The following PINX1 variants were observed in gnomAD, a reference collection of about 807,000 sequenced individuals.
The protein encoded by PINX1 is PIN2/TERF1-interacting telomerase inhibitor 1.
Under a neutral mutation model 25.4 loss-of-function variants are expected in PINX1, and 34 were observed. That is an observed-to-expected ratio of 1.34 (90% confidence interval 1.02 to 1.78). PINX1 has a LOEUF of 1.78. Ranked by LOEUF, PINX1 falls within the 40% of genes most tolerant of loss-of-function variation. PINX1 has a pLI of 0.00. For missense variants in PINX1, 592 were observed against 404.9 expected, an observed-to-expected ratio of 1.46 and a Z score of -3.97; for synonymous variants, 197 against 147.7, an observed-to-expected ratio of 1.33 and a Z score of -2.42.
intron 4 of PINX1, among the ~76,000 whole-genome samples, chr8:10,831,239 C>A (rs1197885083): frequency 6.6e-6 from 1 of 152,088 alleles, no homozygotes; most frequent in African/African-American, 2.4e-5. Context: ...AAGAGTTGAG[C>A]TCATAAAAGT....
At chr8:10,839,653 G>T in intron 1 of PINX1, 85 bp downstream of exon 1, 1 of 1,406,548 alleles carries the variant, frequency 7.1e-7, no homozygotes, top group Non-Finnish European at 9.8e-7. Context: ...GGCAACCCGA[G>T]CTCCCAGCCA....
At chr8:10,813,382 TAAAG>T (rs576716936) in intron 6 of PINX1, among the ~76,000 whole-genome samples, 102 of 152,052 alleles carry the variant, frequency 6.7e-4, no homozygotes, top group African/African-American at 2.5e-3. Context: ...ATGAAGGCAA[TAAAG>T]AGACTCTTCT....
At chr8:10,829,622 T>C (rs1026621393) in intron 4 of PINX1, among the ~76,000 whole-genome samples, 2 of 152,308 alleles carry the variant, frequency 1.3e-5, no homozygotes, top group African/African-American at 4.8e-5. Context: ...ACTCTGGTGT[T>C]TGTCTCTAAA....
chr8:10,798,035 G>T (rs913064659), intron 6 of PINX1, among the ~76,000 whole-genome samples: 1 of 152,246 alleles, frequency 6.6e-6, no homozygotes, highest in Non-Finnish European at 1.5e-5. Context: ...TGACTTTTCA[G>T]GAGTAACAGC....
intron 6 of PINX1, among the ~76,000 whole-genome samples, chr8:10,776,878 C>T (rs1801414082): frequency 6.6e-6 from 1 of 152,192 alleles, no homozygotes; most frequent in South Asian, 2.1e-4. Context: ...GGTCCCCCTT[C>T]TTCCTGTTTT....
chr8:10,820,442 A>C (rs1586193836), intron 5 of PINX1, 173 bp from the exon 6 acceptor site: 2 of 651,902 alleles, frequency 3.1e-6, no homozygotes, highest in Non-Finnish European at 5.5e-6. Flanking sequence ...TTAGTAAACA[A>C]AATTAATTAA....
chr8:10,802,656 C>G (rs552250431), intron 6 of PINX1, among the ~76,000 whole-genome samples: 1 of 152,134 alleles, frequency 6.6e-6, no homozygotes, highest in African/African-American at 2.4e-5. Flanking sequence ...GGCAGGGGCC[C>G]GGTGGAACCA....
At chr8:10,824,743 G>A (rs528146738) in intron 5 of PINX1, among the ~76,000 whole-genome samples, 4 of 152,334 alleles carry the variant, frequency 2.6e-5, no homozygotes, top group Non-Finnish European at 5.9e-5. Context: ...AAGTGAAAGC[G>A]TAAAAGGCTG....
chr8:10,771,900 T>C (rs1422464576), intron 6 of PINX1, among the ~76,000 whole-genome samples: 1 of 152,250 alleles, frequency 6.6e-6, no homozygotes, highest in East Asian at 1.9e-4. Flanking sequence ...TGTCGTCTGC[T>C]GTCAGCCAGT....
At chr8:10,809,162 CT>C (rs1157791944) in intron 6 of PINX1, among the ~76,000 whole-genome samples, 1 of 152,182 alleles carries the variant, frequency 6.6e-6, no homozygotes, top group African/African-American at 2.4e-5. Flanking sequence ...TATTTTAGCC[CT>C]GTGGAGTGAC....
chr8:10,778,438 C>A (rs1467402820), intron 6 of PINX1, among the ~76,000 whole-genome samples: 2 of 152,084 alleles, frequency 1.3e-5, no homozygotes, highest in Non-Finnish European at 2.9e-5. Flanking sequence ...CTGAATGTAT[C>A]CCCGTGGCAT....
intron 6 of PINX1, among the ~76,000 whole-genome samples, chr8:10,766,865 T>C (rs1190076448): frequency 6.6e-6 from 1 of 152,152 alleles, no homozygotes; most frequent in East Asian, 1.9e-4. Context: ...AAGAATGAAA[T>C]GCTGGAATCG....
intron 6 of PINX1, among the ~76,000 whole-genome samples, chr8:10,819,449 G>T (rs1018652068): frequency 7.2e-5 from 11 of 152,198 alleles, no homozygotes; most frequent in African/African-American, 2.7e-4. Flanking sequence ...ATATATTCCA[G>T]ATTTTCTCAG....
chr8:10,833,043 G>T, intron 2 of PINX1, 59 bp from the exon 3 acceptor site: 1 of 1,053,738 alleles, frequency 9.5e-7, no homozygotes, highest in Non-Finnish European at 1.4e-6. Context: ...CAGAAGCAGA[G>T]CACTGCTACA....
chr8:10,796,608 C>T (rs1802091824), intron 6 of PINX1, among the ~76,000 whole-genome samples: 1 of 152,100 alleles, frequency 6.6e-6, no homozygotes, highest in East Asian at 1.9e-4. Flanking sequence ...ATGGGAAGTC[C>T]TAGAAAACAA....
At chr8:10,817,240 A>G (rs1797726105) in intron 6 of PINX1, among the ~76,000 whole-genome samples, 1 of 152,166 alleles carries the variant, frequency 6.6e-6, no homozygotes, top group Non-Finnish European at 1.5e-5. Context: ...GACCTCCAGC[A>G]ACACCTTGGC....
chr8:10,839,251 C>T (rs1213314672), intron 1 of PINX1, among the ~76,000 whole-genome samples: 1 of 152,224 alleles, frequency 6.6e-6, no homozygotes, highest in Non-Finnish European at 1.5e-5. Flanking sequence ...CACTCCCTCG[C>T]TAAGTGGCTG....
chr8:10,816,270 T>A (rs1400200298), intron 6 of PINX1, among the ~76,000 whole-genome samples: 1 of 152,224 alleles, frequency 6.6e-6, no homozygotes, highest in African/African-American at 2.4e-5. Flanking sequence ...ATGTAACCAC[T>A]GGGGAAAACC....
intron 6 of PINX1, among the ~76,000 whole-genome samples, chr8:10,788,733 G>A (rs911723526): frequency 9.2e-5 from 14 of 152,148 alleles, no homozygotes; most frequent in Non-Finnish European, 1.3e-4. Flanking sequence ...AGAAATCATC[G>A]TGGACTCTTG....
Sources: allele counts gnomAD v4.1 joint callset (sites outside exome capture counted in the v4.1 genomes callset), GRCh38; gene constraint gnomAD v4.1.1; transcripts MANE v1.5; gene names NCBI Gene and HGNC (gene_info 2026-07-23, HGNC 2026-07-21).